ACIN1: variants seen among roughly 807,000 people sequenced by gnomAD.
ACIN1 encodes the protein apoptotic chromatin condensation inducer in the nucleus.
A neutral mutation model predicts 146.6 loss-of-function variants in ACIN1; 16 were observed. That is an observed-to-expected ratio of 0.11 (90% confidence interval 0.07 to 0.17). The LOEUF is 0.17. ACIN1 is among the 10% of genes least tolerant of loss of function. The pLI is 1.00. For missense variants in ACIN1, 1,357 were observed against 1,609.3 expected (o/e 0.84, Z 2.68); for synonymous variants, 569 against 582.7 (o/e 0.98, Z 0.34).
chr14:23,060,293 T>C (rs1040989512), intron 18 of ACIN1, among the ~76,000 whole-genome samples: 7 of 152,034 alleles, frequency 4.6e-5, no homozygotes, highest in Admixed American at 2.0e-4. Context: ...TTTACACACA[T>C]TGACAGGTAC....
chr14:23,062,837 C>A, intron 14 of ACIN1, 92 bp downstream of exon 14: 1 of 1,342,848 alleles, frequency 7.4e-7, no homozygotes, highest in Non-Finnish European at 1.0e-6. Flanking sequence ...ATTGGTAGAC[C>A]AGTTCAACTA....
At chr14:23,071,237 T>TA (rs751114704) in intron 8 of ACIN1, 35 of 1,509,096 alleles carry the variant, frequency 2.3e-5, no homozygotes, top group Non-Finnish European at 3.0e-5. Flanking sequence ...CTAAAAAAAA[T>TA]AAAGAAAAAA....
Position 23,070,727 on chromosome 14 carries a change from A to C in ACIN1, c.2124-1110T>G, listed in dbSNP as rs369022353. 7.2e-5 allele frequency among the ~76,000 whole-genome samples: 11 copies of C among 152,234 alleles called. No homozygotes were observed. The East Asian group carries it at 2.1e-3, about 29-fold the overall frequency. Reference sequence around the variant, plus strand: ...GGGAAACCAAGCCTCCCAGGCCGATAACCACCACCAGAAAAGTCAGCATTC... The same window carrying C: ...GGGAAACCAAGCCTCCCAGGCCGATCACCACCACCAGAAAAGTCAGCATTC... On this transcript the variant is annotated intron_variant, in intron 8 of 18. Transcript: ENST00000605057.
intron 8 of ACIN1, chr14:23,076,500 T>A (rs896869038): frequency 2.6e-5 from 4 of 152,140 alleles, no homozygotes; most frequent in African/African-American, 9.7e-5. Flanking sequence ...ACTCTATGAC[T>A]CCAAGCTTCA....
rs945209622 is a variant in ACIN1, at chr14:23,065,972, C to T, written c.2302G>A (p.Val768Ile). ...LPKSFKRKISVVSATKGVPAG... is the reference protein window; with the variant it reads ...LPKSFKRKISIVSATKGVPAG... Reference sequence around the variant, plus strand: ...GATTTGGGGCTGGACTTACAGACAACGGAGATCTTCCTCTTGAATGATTTG... The same window carrying T: ...GATTTGGGGCTGGACTTACAGACAATGGAGATCTTCCTCTTGAATGATTTG... The change falls in exon 10 of 19, where the codon GTT becomes ATT. Residue 768 changes from valine to isoleucine, a missense_variant. Around this residue, in one of 4 missense-constraint regions of ACIN1, gnomAD observed 509 missense variants for 719.6 expected, o/e 0.71. Coordinates refer to ENST00000605057, the MANE Select transcript of ACIN1 (RefSeq NM_001386863.1). 53 of 1,612,930 alleles carry T rather than the reference C, an allele frequency of 3.3e-5. No individual in the cohort carries two copies. The highest frequency in any genetic ancestry group is 4.1e-5 in the Non-Finnish European group (48 of 1,179,574).
intron 14 of ACIN1, 109 bp from the exon 15 acceptor site, chr14:23,062,632 G>T: frequency 1.8e-6 from 2 of 1,084,190 alleles, no homozygotes; most frequent in African/African-American, 3.1e-5. Flanking sequence ...GTTTGGGGGA[G>T]GGCAGAGAGT....
chr14:23,088,723 C>CT (rs1486435143), intron 4 of ACIN1, among the ~76,000 whole-genome samples: 28 of 152,136 alleles, frequency 1.8e-4, no homozygotes, highest in African/African-American at 6.7e-4. Context: ...ATCCACATGT[C>CT]TTATATACAT....
intron 7 of ACIN1, 140 bp downstream of exon 7, chr14:23,078,680 G>T: frequency 1.1e-6 from 1 of 938,192 alleles, no homozygotes; most frequent in Non-Finnish European, 1.6e-6. Context: ...CTGGAAATGA[G>T]TTAAGCAGGA....
At chr14:23,079,135 TA>T (rs770035133) in intron 6 of ACIN1, 97 bp from the exon 7 acceptor site, 18 of 1,228,854 alleles carry the variant, frequency 1.5e-5, no homozygotes, top group Non-Finnish European at 1.9e-5. Context: ...CCAAATTTTA[TA>T]CTCTGGACCT....
intron 15 of ACIN1, 26 bp from the exon 16 acceptor site, chr14:23,062,301 G>C: frequency 6.2e-7 from 1 of 1,606,304 alleles, no homozygotes; most frequent in South Asian, 1.1e-5. Context: ...AGAAGATGGA[G>C]GGTCACAGTG....
intron 10 of ACIN1, 93 bp downstream of exon 10, chr14:23,065,873 A>G: frequency 8.3e-7 from 1 of 1,198,782 alleles, no homozygotes; most frequent in Admixed American, 1.7e-5. Flanking sequence ...GGAGTGACCC[A>G]AGAATGCCAT....
At chr14:23,063,215 CA>C (rs1259895324) in intron 13 of ACIN1, 141 bp from the exon 14 acceptor site, 7 of 1,154,150 alleles carry the variant, frequency 6.1e-6, no homozygotes, top group Non-Finnish European at 7.4e-6. Context: ...CTATAATCTG[CA>C]AAGTACTGTG....
At chr14:23,062,593 A>G in intron 14 of ACIN1, 70 bp from the exon 15 acceptor site, 1 of 1,410,156 alleles carries the variant, frequency 7.1e-7, no homozygotes, top group Non-Finnish European at 1.0e-6. Flanking sequence ...AGATTTCCCG[A>G]GCTGCTGTCA....
intron 4 of ACIN1, among the ~76,000 whole-genome samples, chr14:23,088,245 G>T (rs61976370): frequency 2.0e-5 from 3 of 152,136 alleles, no homozygotes; most frequent in African/African-American, 7.2e-5. Context: ...GGGAAAGGGC[G>T]CAGGGAGCAA....
chr14:23,089,831 T>C (rs1459264272), intron 4 of ACIN1, 151 bp downstream of exon 4: 1 of 1,136,840 alleles, frequency 8.8e-7, no homozygotes, highest in East Asian at 2.7e-5. Flanking sequence ...AAAAAGGGTA[T>C]ACTTTCCATG....
intron 8 of ACIN1, chr14:23,071,201 A>G (rs932055139): frequency 4.6e-6 from 7 of 1,525,766 alleles, no homozygotes; most frequent in South Asian, 1.3e-5. Context: ...AATGGAAGAA[A>G]TAACAAAAAC....
At chr14:23,084,535 G>A (rs1347920578) in intron 4 of ACIN1, among the ~76,000 whole-genome samples, 7 of 151,832 alleles carry the variant, frequency 4.6e-5, no homozygotes, top group Admixed American at 3.9e-4. Context: ...GCTTGAACCT[G>A]GGAGGCAGAG....
intron 4 of ACIN1, among the ~76,000 whole-genome samples, chr14:23,087,292 T>C (rs1397067449): frequency 6.6e-6 from 1 of 152,176 alleles, no homozygotes; most frequent in East Asian, 1.9e-4. Context: ...CTTAACTAAA[T>C]TTTGTACAAC....
Position 23,081,735 on chromosome 14 carries a change from G to A in ACIN1, c.525+13C>T. 1.3e-6 allele frequency: 2 copies of A among 1,599,026 alleles called. No homozygotes were observed. The highest frequency in any genetic ancestry group is 1.7e-6 in the Non-Finnish European group (2 of 1,169,902). Reference sequence around the variant, plus strand: ...TACTGAAGAGGTAATGCTTTAGGAGGTATCTGAGTTACCTGTCTGACCCTA... The same window carrying A: ...TACTGAAGAGGTAATGCTTTAGGAGATATCTGAGTTACCTGTCTGACCCTA... On this transcript the variant is annotated intron_variant, in intron 5 of 18. Coordinates refer to ENST00000605057, the MANE Select transcript of ACIN1 (RefSeq NM_001386863.1).
Sources: allele counts gnomAD v4.1 joint callset (sites outside exome capture counted in the v4.1 genomes callset), GRCh38; gene constraint gnomAD v4.1.1; regional missense constraint gnomAD v4.1.1; transcripts MANE v1.5; gene names NCBI Gene and HGNC (gene_info 2026-07-23, HGNC 2026-07-21).